DCC: variants seen among roughly 807,000 people sequenced by gnomAD.
DCC encodes DCC netrin 1 receptor, also known as netrin receptor DCC.
Under a neutral mutation model 172.5 loss-of-function variants are expected in DCC, and 58 were observed. The observed-to-expected ratio is 0.34, with a 90% CI of 0.27 to 0.42. The LOEUF is 0.42. Among genes scored for constraint, DCC ranks in the 10% least tolerant of loss-of-function variants. The probability of loss-of-function intolerance (pLI) is 1.00; values close to 1 mark genes in which losing one functional copy is unlikely to be tolerated. For synonymous variants in DCC, 709 were observed against 644.5 expected, an observed-to-expected ratio of 1.10 and a Z score of -1.52; for missense variants, 1,740 against 1,791.0, an observed-to-expected ratio of 0.97 and a Z score of 0.51.
chr18:53,362,832 G>A (rs187154229), intron 15 of DCC, among the ~76,000 whole-genome samples: 1 of 152,112 alleles, frequency 6.6e-6, no homozygotes, highest in East Asian at 1.9e-4. Flanking sequence ...TACTTACGCT[G>A]CTGTATTATC....
chr18:53,185,860 T>C (rs2055273569), intron 9 of DCC, among the ~76,000 whole-genome samples: 1 of 152,234 alleles, frequency 6.6e-6, no homozygotes, highest in Non-Finnish European at 1.5e-5. Context: ...AAAAGTTAAT[T>C]ATGTGCTAAA....
chr18:52,493,707 C>T (rs558107104), intron 1 of DCC, among the ~76,000 whole-genome samples: 18 of 151,804 alleles, frequency 1.2e-4, no homozygotes, highest in Admixed American at 3.3e-4. Flanking sequence ...TGTTAGTGAC[C>T]GATTAATTTA....
intron 12 of DCC, among the ~76,000 whole-genome samples, chr18:53,218,585 A>G (rs898484253): frequency 1.3e-5 from 2 of 152,134 alleles, no homozygotes; most frequent in Non-Finnish European, 2.9e-5. Context: ...GCTAACTATG[A>G]ACACAAGTTT....
chr18:52,752,497 T>TTTAAA (rs1197583450), intron 2 of DCC, 123 bp downstream of exon 2: 15 of 773,762 alleles, frequency 1.9e-5, no homozygotes, highest in Non-Finnish European at 3.3e-5. Context: ...AAATTTTAAG[T>TTTAAA]TGACAAGTAA....
chr18:52,844,791 T>C (rs1220421529), intron 2 of DCC, among the ~76,000 whole-genome samples: 1 of 152,180 alleles, frequency 6.6e-6, no homozygotes, highest in African/African-American at 2.4e-5. Flanking sequence ...TAGAGAAAGG[T>C]AGGGCTTCCT....
chr18:52,621,012 T>G (rs2034469988), intron 1 of DCC, among the ~76,000 whole-genome samples: 1 of 152,140 alleles, frequency 6.6e-6, no homozygotes, highest in Admixed American at 6.5e-5. Flanking sequence ...GAAGCCTGGG[T>G]GAGGGGATGG....
chr18:53,335,568 A>G (rs2057582361), intron 14 of DCC, among the ~76,000 whole-genome samples: 1 of 152,172 alleles, frequency 6.6e-6, no homozygotes. Flanking sequence ...ACAAAGAATA[A>G]CATGCCTACA....
rs2042995116 is a variant in DCC at position 53,090,734 on chromosome 18, A to AAAAAAAAAAAAT, written c.1261+24568_1261+24569insAAAAAAAAAAAT. 1.5e-5 allele frequency among the ~76,000 whole-genome samples: 2 copies of AAAAAAAAAAAAT among 130,536 alleles called. 1 individual carries two copies. The highest frequency in any genetic ancestry group is 3.3e-5 in the Non-Finnish European group (2 of 61,472). 85.6% of individuals were successfully genotyped at this position (130,536 alleles called of 152,430 possible). The stretch of plus-strand genomic sequence containing the variant: ...AAAAAAAAAAAAAAAAAAAAAAAAA[A>AAAAAAAAAAAAT]GAATGTATCGTGTTTCTTGATGCTA... On this transcript the variant is annotated intron_variant, in intron 7 of 28. Coordinates refer to ENST00000442544, the MANE Select transcript of DCC (RefSeq NM_005215.4).
intron 1 of DCC, among the ~76,000 whole-genome samples, chr18:52,601,924 A>C (rs1144101): frequency 0.81 from 123,543 of 151,920 alleles, 50,991 homozygotes; most frequent in Middle Eastern, 0.91. Flanking sequence ...ACTTATCTTC[A>C]AATAAATTGA....
intron 13 of DCC, among the ~76,000 whole-genome samples, chr18:53,317,169 A>G (rs1022284118): frequency 1.4e-4 from 22 of 152,340 alleles, no homozygotes; most frequent in Admixed American, 6.5e-5. Context: ...GTTGGATTTT[A>G]TCAAAGGCCT....
intron 1 of DCC, among the ~76,000 whole-genome samples, chr18:52,528,479 A>G (rs2032048640): frequency 6.6e-6 from 1 of 152,138 alleles, no homozygotes; most frequent in African/African-American, 2.4e-5. Context: ...CTGCACTACT[A>G]GGTTTCCAAG....
chr18:52,821,374 A>C (rs146780002), intron 2 of DCC, among the ~76,000 whole-genome samples: 2 of 152,328 alleles, frequency 1.3e-5, no homozygotes, highest in East Asian at 3.9e-4. Flanking sequence ...GATTGTTCTC[A>C]ACAGCCTAAA....
At chr18:52,570,961 A>G (rs1385194304) in intron 1 of DCC, among the ~76,000 whole-genome samples, 4 of 152,138 alleles carry the variant, frequency 2.6e-5, no homozygotes, top group Non-Finnish European at 5.9e-5. Flanking sequence ...AGCTTACTTT[A>G]GGGGTTATAA....
chr18:53,409,731 A>C (rs1909873779), intron 19 of DCC, among the ~76,000 whole-genome samples: 1 of 152,178 alleles, frequency 6.6e-6, no homozygotes, highest in Non-Finnish European at 1.5e-5. Flanking sequence ...AAAATCAATA[A>C]TACTATATAA....
intron 1 of DCC, among the ~76,000 whole-genome samples, chr18:52,509,668 A>T: frequency 6.6e-6 from 1 of 152,210 alleles, no homozygotes; most frequent in East Asian, 1.9e-4. Context: ...TGACTGTCAC[A>T]TCCTGCACCC....
At chr18:52,660,248 T>A (rs1299372399) in intron 1 of DCC, among the ~76,000 whole-genome samples, 1 of 152,108 alleles carries the variant, frequency 6.6e-6, no homozygotes, top group East Asian at 1.9e-4. Flanking sequence ...AATAATTATT[T>A]GCCTGACAGC....
intron 1 of DCC, among the ~76,000 whole-genome samples, chr18:52,590,998 T>G (rs1324805357): frequency 1.3e-5 from 2 of 152,198 alleles, no homozygotes; most frequent in Non-Finnish European, 2.9e-5. Flanking sequence ...TCAGCCAACA[T>G]TAAAAATATC....
chr18:52,490,688 T>C (rs1647185362), intron 1 of DCC, among the ~76,000 whole-genome samples: 1 of 152,114 alleles, frequency 6.6e-6, no homozygotes, highest in Non-Finnish European at 1.5e-5. Context: ...TGATGTTTGG[T>C]GTATCTCCTT....
intron 1 of DCC, among the ~76,000 whole-genome samples, chr18:52,747,679 G>A (rs1406636756): frequency 6.6e-6 from 1 of 152,014 alleles, no homozygotes; most frequent in Non-Finnish European, 1.5e-5. Flanking sequence ...TTAAATCAGC[G>A]TAGTTGATTT....
Sources: gnomAD v4.1 joint callset for allele counts (sites outside exome capture counted in the v4.1 genomes callset) on GRCh38, gnomAD v4.1.1 for gene constraint, MANE v1.5 for transcripts, NCBI Gene and HGNC (gene_info 2026-07-23, HGNC 2026-07-21) for gene names.